TTC6: variants seen among roughly 807,000 people sequenced by gnomAD.
The protein encoded by TTC6 is tetratricopeptide repeat protein 6.
A neutral mutation model predicts 210.4 loss-of-function variants in TTC6; 172 were observed. The observed-to-expected ratio is 0.82, with a 90% confidence interval of 0.72 to 0.93. The LOEUF (loss-of-function observed/expected upper bound fraction) is 0.93. Ranked by LOEUF, TTC6 falls within the 40% of genes least tolerant of loss-of-function variation. The pLI, the probability that TTC6 is intolerant of heterozygous loss-of-function variation, is 0.00. For synonymous variants in TTC6, 804 were observed against 819.6 expected (o/e 0.98, Z 0.32); for missense variants, 2,414 against 2,318.1 (o/e 1.04, Z -0.85).
At chr14:37,707,804 C>A (rs1467246891) in intron 5 of TTC6, among the ~76,000 whole-genome samples, 1 of 151,920 alleles carries the variant, frequency 6.6e-6, no homozygotes, top group Non-Finnish European at 1.5e-5. Context: ...TCTGGCTACC[C>A]AAAGTTAATA....
exon 15 of TTC6, chr14:37,787,588 A>T: frequency 5.3e-6 from 8 of 1,521,834 alleles, no homozygotes; most frequent in Non-Finnish European, 7.0e-6. Context: ...GAGGTTGCTT[A>T]TTCAGAAAGA....
chr14:37,691,578 T>G (rs1156519664), intron 3 of TTC6, among the ~76,000 whole-genome samples: 1 of 152,002 alleles, frequency 6.6e-6, no homozygotes, highest in Non-Finnish European at 1.5e-5. Flanking sequence ...CTGTAAGTGC[T>G]TACATCAAAA....
intron 1 of TTC6, among the ~76,000 whole-genome samples, chr14:37,659,716 T>C (rs2095733008): frequency 6.6e-6 from 1 of 152,144 alleles, no homozygotes; most frequent in South Asian, 2.1e-4. Context: ...ATACAGGGTT[T>C]CTCCATGTGG....
chr14:37,776,612 A>C, intron 14 of TTC6, among the ~76,000 whole-genome samples: 1 of 152,158 alleles, frequency 6.6e-6, no homozygotes, highest in East Asian at 1.9e-4. Context: ...TCTAGGTTGG[A>C]AATTCTTTTC....
chr14:37,686,462 T>C (rs979173620), intron 3 of TTC6, among the ~76,000 whole-genome samples: 2 of 152,214 alleles, frequency 1.3e-5, no homozygotes, highest in Non-Finnish European at 2.9e-5. Flanking sequence ...AACTAGTACA[T>C]GGAAGTCTCG....
At chr14:37,778,671 G>T (rs938118449) in intron 14 of TTC6, among the ~76,000 whole-genome samples, 6 of 152,114 alleles carry the variant, frequency 3.9e-5, no homozygotes, top group Admixed American at 3.9e-4. Flanking sequence ...CTGTCATCTG[G>T]AACTGCTCTG....
intron 20 of TTC6, among the ~76,000 whole-genome samples, chr14:37,801,062 G>C (rs1020145999): frequency 6.6e-6 from 1 of 152,144 alleles, no homozygotes; most frequent in Non-Finnish European, 1.5e-5. Flanking sequence ...GAACTGCCAT[G>C]GACCAGTGGC....
At chr14:37,609,629 A>G (rs941124945) in intron 2 of TTC6, among the ~76,000 whole-genome samples, 1 of 152,186 alleles carries the variant, frequency 6.6e-6, no homozygotes, top group African/African-American at 2.4e-5. Flanking sequence ...TACATAAAGT[A>G]TTAATGAACA....
chr14:37,676,192 A>G (rs1335834786), intron 1 of TTC6, among the ~76,000 whole-genome samples: 1 of 152,114 alleles, frequency 6.6e-6, no homozygotes, highest in Admixed American at 6.6e-5. Flanking sequence ...TTGACACTAA[A>G]GAATGATTAG....
At chr14:37,689,418 CA>C (rs1283224558) in intron 3 of TTC6, among the ~76,000 whole-genome samples, 2 of 151,984 alleles carry the variant, frequency 1.3e-5, no homozygotes, top group Admixed American at 6.6e-5. Context: ...GGGATAATAG[CA>C]GAGAACTTCC....
intron 1 of TTC6, among the ~76,000 whole-genome samples, chr14:37,600,608 T>C (rs2095613926): frequency 6.6e-6 from 1 of 152,228 alleles, no homozygotes; most frequent in Non-Finnish European, 1.5e-5. Context: ...TAACAGATGC[T>C]TTAATAAGAA....
At chr14:37,647,017 C>T (rs1014115474) in intron 1 of TTC6, among the ~76,000 whole-genome samples, 3 of 152,176 alleles carry the variant, frequency 2.0e-5, no homozygotes, top group African/African-American at 7.2e-5. Flanking sequence ...CTACTATATC[C>T]TTGGCTCCTT....
intron 1 of TTC6, among the ~76,000 whole-genome samples, chr14:37,677,393 G>A (rs1244769461): frequency 6.6e-6 from 1 of 151,916 alleles, no homozygotes; most frequent in African/African-American, 2.4e-5. Flanking sequence ...TATTTACCCT[G>A]TACCCTACAA....
chr14:37,806,354 C>A lies in TTC6; in HGVS notation c.4165-7C>A. The A allele has an allele frequency of 1.3e-6, 2 of 1,534,204 alleles. No homozygotes were observed. The highest frequency in any genetic ancestry group is 1.4e-5 in the African/African-American group (1 of 73,054). On this transcript the variant is annotated splice_polypyrimidine_tract_variant and splice_region_variant and intron_variant, in intron 21 of 30. Transcript: ENST00000553443. The stretch of plus-strand genomic sequence containing the variant: ...ATGGTTTGCATTTTGACAATATGCT[C>A]CTGTAGGCTTTTGATTCTTTTACAA...
At chr14:37,640,099 T>G (rs2095688975) in intron 1 of TTC6, among the ~76,000 whole-genome samples, 1 of 152,082 alleles carries the variant, frequency 6.6e-6, no homozygotes, top group Non-Finnish European at 1.5e-5. Context: ...AACTTATTCT[T>G]TGTTGGATAC....
At chr14:37,678,434 T>C (rs2095775187) in intron 1 of TTC6, among the ~76,000 whole-genome samples, 1 of 152,180 alleles carries the variant, frequency 6.6e-6, no homozygotes, top group Non-Finnish European at 1.5e-5. Flanking sequence ...GGTTTCTCCA[T>C]TGCATGGGCA....
intron 1 of TTC6, among the ~76,000 whole-genome samples, chr14:37,627,458 C>T (rs2139323002): frequency 6.6e-6 from 1 of 152,072 alleles, no homozygotes; most frequent in East Asian, 1.9e-4. Flanking sequence ...CCCCTAGCCC[C>T]CCACCCCCTG....
chr14:37,609,863 C>A (rs1487260986), intron 2 of TTC6, among the ~76,000 whole-genome samples: 3 of 152,190 alleles, frequency 2.0e-5, no homozygotes, highest in Non-Finnish European at 4.4e-5. Context: ...CCTGAAGCGG[C>A]TACTCCTACA....
At chr14:37,667,002 A>AT (rs1213167625) in intron 1 of TTC6, among the ~76,000 whole-genome samples, 3 of 150,316 alleles carry the variant, frequency 2.0e-5, no homozygotes, top group East Asian at 3.9e-4. Context: ...TTTTCTTCTG[A>AT]TTTTTTATTT....
Sources: gnomAD v4.1 joint callset for allele counts (sites outside exome capture counted in the v4.1 genomes callset) on GRCh38, gnomAD v4.1.1 for gene constraint, MANE v1.5 for transcripts, NCBI Gene and HGNC (gene_info 2026-07-23, HGNC 2026-07-21) for gene names.